The following TP73 variants were observed in gnomAD, a reference collection of about 807,000 sequenced individuals.
The protein encoded by TP73 is p53-like transcription factor.
In TP73, 25 loss-of-function variants were observed where a neutral mutation model predicts 62.5. The ratio of observed to expected loss-of-function variants is 0.40; its 90% CI spans 0.29 to 0.56. TP73 has a LOEUF of 0.56. TP73 is among the 20% of genes least tolerant of loss of function. The pLI, the probability that TP73 is intolerant of heterozygous loss-of-function variation, is 0.46. For missense variants in TP73, 754 were observed against 913.3 expected (o/e 0.83, Z 2.25); for synonymous variants, 423 against 377.5 (o/e 1.12, Z -1.40).
At position 3,721,972 on chromosome 1, in the gene TP73, G is replaced by A. The variant is rs751097858; in HGVS notation, c.430-49G>A. 1.5e-5 allele frequency: 23 copies of A among 1,537,776 alleles called. No homozygotes were observed. In the South Asian group the frequency reaches 2.9e-4, roughly 19 times the overall value. On this transcript the variant is annotated intron_variant, in intron 4 of 13. Transcript: ENST00000378295. ...CCCAATGGGGGGTGGCCTGGACAGG[G>A]GTGCAGTTGGGACCACTGGTCTCAC...
chr1:3,726,965 T>G, intron 6 of TP73, 150 bp from the exon 7 acceptor site: 1 of 550,652 alleles, frequency 1.8e-6, no homozygotes. Context: ...GATGAATGAG[T>G]GGACAGATAT....
chr1:3,721,736 C>T (rs150880252), intron 4 of TP73, among the ~76,000 whole-genome samples: 146 of 152,272 alleles, frequency 9.6e-4, no homozygotes, highest in African/African-American at 3.3e-3. Context: ...ATCCATAAAC[C>T]TAAAGCCTCT....
In TP73 at chr1:3,682,454, G is replaced by C. The variant is rs756722884; in HGVS notation, c.65+24G>C. ...CTGTGAGTGCGCTTGGCTGGCCAGA[G>C]CTGGGGGCCCCCCTGGGAGGCACTC... On this transcript the variant is annotated intron_variant, in intron 2 of 13. Transcript: ENST00000378295. The C allele has an allele frequency of 5.4e-6, 8 of 1,473,210 alleles. No homozygotes were observed. In the East Asian group the frequency reaches 1.8e-4, roughly 34 times the overall value. 91.3% of individuals were successfully genotyped at this position (1,473,210 alleles called of 1,614,324 possible).
chr1:3,704,224 C>T (rs765251426), intron 3 of TP73, among the ~76,000 whole-genome samples: 3 of 152,244 alleles, frequency 2.0e-5, no homozygotes, highest in Non-Finnish European at 4.4e-5. Context: ...TGGAAAGGAG[C>T]TGGCGGAAGT....
At chr1:3,713,849 G>T (rs1243421654) in intron 4 of TP73, among the ~76,000 whole-genome samples, 2 of 152,250 alleles carry the variant, frequency 1.3e-5, no homozygotes, top group Non-Finnish European at 2.9e-5. Flanking sequence ...TTACGATGGG[G>T]CTGCAGAGGC....
At chr1:3,659,481 G>A (rs1457145240) in intron 1 of TP73, 1 of 152,106 alleles carries the variant, frequency 6.6e-6, no homozygotes, top group African/African-American at 2.4e-5. Context: ...TGTTAGTTTG[G>A]GAGTTGCAGC....
intron 1 of TP73, among the ~76,000 whole-genome samples, chr1:3,657,881 G>A (rs1004075467): frequency 1.3e-4 from 20 of 150,772 alleles, no homozygotes; most frequent in African/African-American, 4.7e-4. Flanking sequence ...TGCTTGGGCC[G>A]CATAGCCCCC....
chr1:3,690,626 T>C, intron 3 of TP73: 2 of 1,334,944 alleles, frequency 1.5e-6, no homozygotes, highest in Non-Finnish European at 9.7e-7. Context: ...CGGACTTGGA[T>C]GAATACTCAT....
At chr1:3,688,959 T>C (rs916542926) in intron 3 of TP73, among the ~76,000 whole-genome samples, 4 of 152,202 alleles carry the variant, frequency 2.6e-5, no homozygotes, top group Non-Finnish European at 5.9e-5. Flanking sequence ...AGTCTCCTTT[T>C]CAATGCATCA....
At chr1:3,706,376 G>T (rs1489001319) in intron 3 of TP73, among the ~76,000 whole-genome samples, 1 of 145,992 alleles carries the variant, frequency 6.8e-6, no homozygotes, top group Non-Finnish European at 1.5e-5. Context: ...GCAGGCCCGG[G>T]GAGGGGGGTA....
chr1:3,727,282 G>A (rs1264178159), intron 7 of TP73, 58 bp downstream of exon 7: 5 of 1,501,376 alleles, frequency 3.3e-6, no homozygotes, highest in Admixed American at 3.5e-5. Context: ...ACGGCCGGGG[G>A]AGAAGGGGAG....
chr1:3,709,500 G>A (rs934467951), intron 4 of TP73, among the ~76,000 whole-genome samples: 10 of 152,234 alleles, frequency 6.6e-5, no homozygotes, highest in Non-Finnish European at 1.2e-4. Context: ...CTTAATTGTG[G>A]TGGTGGTGTG....
rs1399263347 is a variant in TP73, at chr1:3,662,538, C to T, written c.-34+9897C>T. On this transcript the variant is annotated intron_variant, in intron 1 of 13. Coordinates refer to ENST00000378295, the MANE Select transcript of TP73 (RefSeq NM_005427.4). This position sits in a 1 kb window ranked among gnomAD's most constrained non-coding sequence, Gnocchi z 4.4. ...GCGATCAGAGTTACCTGGAGCCGCT[C>T]TCCTCCCGGCATAGAGACCTTTACG... Among the ~76,000 whole-genome samples the T allele has an allele frequency of 2.6e-5, 4 of 152,362 alleles. No homozygotes were observed. In the South Asian group the frequency reaches 6.2e-4, roughly 24 times the overall value.
chr1:3,679,835 G>T, intron 1 of TP73, among the ~76,000 whole-genome samples: 2 of 93,432 alleles, frequency 2.1e-5, no homozygotes, highest in Non-Finnish European at 2.3e-5. Context: ...GTCTCTCTTT[G>T]TCCTTGTATC....
At position 3,727,286 on chromosome 1, in the gene TP73, AGGG is replaced by A; in HGVS notation, c.842+64_842+66del. On this transcript the variant is annotated intron_variant, in intron 7 of 13. Transcript: ENST00000378295. ...GCTGGGCAGGCACGGCCGGGGGAGA[AGGG>A]GAGCTGTCATGGAGACCTGCAGGCC... 2.0e-6 allele frequency: 3 copies of A among 1,482,546 alleles called. No homozygotes were observed. The South Asian group carries it at 3.6e-5, about 18-fold the overall frequency. The allele number at this position is 1,482,546 out of a possible 1,614,324, so 91.8% of individuals were successfully genotyped here.
intron 4 of TP73, among the ~76,000 whole-genome samples, chr1:3,717,333 AGGAGAGGAGGGTC>A (rs1305827804): frequency 1.3e-5 from 2 of 152,074 alleles, no homozygotes; most frequent in African/African-American, 4.8e-5. Context: ...GAGGAGGGGA[AGGAGAGGAGGGTC>A]GGAGAGGAGC....
chr1:3,713,157 G>A (rs1294904223), intron 4 of TP73, among the ~76,000 whole-genome samples: 1 of 152,244 alleles, frequency 6.6e-6, no homozygotes, highest in Non-Finnish European at 1.5e-5. Context: ...AACTGGGACT[G>A]GGGGTGGAGA....
rs2124478417 is a variant in TP73, at chr1:3,722,154, C to G, written c.563C>G (p.Thr188Ser). 6.2e-7 allele frequency: 1 copy of G among 1,612,720 alleles called. No homozygotes were observed. Among genetic ancestry groups the G allele is most frequent in the Admixed American group, 1.7e-5 (1 of 60,008 alleles). Residue 188 changes from threonine to serine, a missense_variant, in exon 5 of 14, where the codon ACC becomes AGC. Coordinates refer to ENST00000378295, the MANE Select transcript of TP73 (RefSeq NM_005427.4). ...MPVYKKAEHV[T>S]DVVKRCPNHE... ...GTTTACAAGAAAGCGGAGCACGTGA[C>G]CGACGTCGTGAAACGCTGCCCCAAC...
chr1:3,725,640 G>A (rs1162666518), intron 6 of TP73, among the ~76,000 whole-genome samples: 3 of 145,618 alleles, frequency 2.1e-5, no homozygotes, highest in African/African-American at 7.7e-5. Context: ...TGGGTAGAGG[G>A]ATGGGTAGAT....
Sources: allele counts gnomAD v4.1 joint callset (sites outside exome capture counted in the v4.1 genomes callset), GRCh38; gene constraint gnomAD v4.1.1; non-coding constraint Gnocchi (gnomAD v3.1); transcripts MANE v1.5; gene names NCBI Gene and HGNC (gene_info 2026-07-23, HGNC 2026-07-21).